MCUB: variants seen among roughly 807,000 people sequenced by gnomAD.
MCUB encodes calcium uniporter regulatory subunit MCUb, mitochondrial.
Under a neutral mutation model 41.4 loss-of-function variants are expected in MCUB, and 46 were observed. The ratio of observed to expected loss-of-function variants is 1.11; its 90% CI spans 0.88 to 1.42. The LOEUF is 1.42. Ranked by LOEUF, MCUB falls within the 40% of genes most tolerant of loss-of-function variation. The pLI is 0.00. For missense variants in MCUB, 403 were observed against 404.9 expected (o/e 1.00, Z 0.04); for synonymous variants, 148 against 148.2 (o/e 1.00, Z 0.01).
intron 2 of MCUB, 45 bp downstream of exon 2, chr4:109,659,131 C>T (rs1729169584): frequency 9.1e-7 from 1 of 1,092,954 alleles, no homozygotes; most frequent in African/African-American, 1.6e-5. Context: ...TAATTGTTTC[C>T]CTTTCTTCCA....
intron 1 of MCUB, among the ~76,000 whole-genome samples, chr4:109,560,829 G>A (rs1182524098): frequency 2.0e-5 from 3 of 152,122 alleles, no homozygotes; most frequent in African/African-American, 7.2e-5. Context: ...GTTCCCTCTT[G>A]GTGATCAGTG....
chr4:109,576,564 AAACTC>A (rs1272778992), intron 1 of MCUB, among the ~76,000 whole-genome samples: 2 of 152,148 alleles, frequency 1.3e-5, no homozygotes, highest in Non-Finnish European at 2.9e-5. Flanking sequence ...GAAAAACAAA[AAACTC>A]AAAGCGTAAA....
chr4:109,577,391 C>T (rs935046252), intron 1 of MCUB, among the ~76,000 whole-genome samples: 4 of 152,104 alleles, frequency 2.6e-5, no homozygotes, highest in East Asian at 3.9e-4. Flanking sequence ...TTAGCATGTG[C>T]CATACACTAT....
chr4:109,653,347 C>G (rs1168894342), intron 1 of MCUB, among the ~76,000 whole-genome samples: 3 of 151,694 alleles, frequency 2.0e-5, no homozygotes, highest in Non-Finnish European at 4.4e-5. Context: ...CCACTGCACT[C>G]CAGCCTGGGG....
chr4:109,593,553 C>A (rs1256212693), intron 1 of MCUB, among the ~76,000 whole-genome samples: 1 of 152,158 alleles, frequency 6.6e-6, no homozygotes, highest in Non-Finnish European at 1.5e-5. Flanking sequence ...TGATGATCCA[C>A]AGGTAAAGTG....
chr4:109,634,878 C>A (rs983232884), intron 1 of MCUB, among the ~76,000 whole-genome samples: 1 of 152,080 alleles, frequency 6.6e-6, no homozygotes, highest in Non-Finnish European at 1.5e-5. Context: ...TAGGTATACA[C>A]GTGCCATGGT....
At chr4:109,599,731 C>T (rs1727684716) in intron 1 of MCUB, among the ~76,000 whole-genome samples, 1 of 151,822 alleles carries the variant, frequency 6.6e-6, no homozygotes, top group Admixed American at 6.6e-5. Context: ...AACAGTGGCA[C>T]AATCTTGGCT....
intron 1 of MCUB, among the ~76,000 whole-genome samples, chr4:109,584,577 C>T (rs1727259916): frequency 6.6e-6 from 1 of 152,148 alleles, no homozygotes; most frequent in South Asian, 2.1e-4. Context: ...CTTGCTGTCT[C>T]TTGTGGGCAT....
intron 1 of MCUB, among the ~76,000 whole-genome samples, chr4:109,579,666 G>A (rs78623850): frequency 0.022 from 3,321 of 152,180 alleles, 48 homozygotes; most frequent in Non-Finnish European, 0.034. Flanking sequence ...ATGTATCGAG[G>A]AAGGGAAGCC....
chr4:109,583,599 G>A (rs197236), intron 1 of MCUB, among the ~76,000 whole-genome samples: 54,268 of 152,074 alleles, frequency 0.36, 11,600 homozygotes, highest in South Asian at 0.54. Flanking sequence ...CCAACACTGT[G>A]TTGAATAGGA....
At chr4:109,572,284 G>T (rs1726932222) in intron 1 of MCUB, among the ~76,000 whole-genome samples, 1 of 152,156 alleles carries the variant, frequency 6.6e-6, no homozygotes, top group African/African-American at 2.4e-5. Flanking sequence ...AGAATTTGAG[G>T]CCAGAACTGA....
At chr4:109,604,638 A>G (rs926957523) in intron 1 of MCUB, among the ~76,000 whole-genome samples, 1 of 152,180 alleles carries the variant, frequency 6.6e-6, no homozygotes, top group African/African-American at 2.4e-5. Context: ...TCAGTATGAT[A>G]CTAACTGTGG....
chr4:109,642,893 ATTTT>A (rs34076028), intron 1 of MCUB, among the ~76,000 whole-genome samples: 24 of 111,106 alleles, frequency 2.2e-4, no homozygotes, highest in East Asian at 5.5e-4. Context: ...TCTCAGCTAG[ATTTT>A]TTTTTTTTTT....
At chr4:109,674,387 C>T (rs951674055) in intron 4 of MCUB, among the ~76,000 whole-genome samples, 8 of 152,138 alleles carry the variant, frequency 5.3e-5, no homozygotes, top group Non-Finnish European at 1.0e-4. Context: ...AAATGTCCAC[C>T]TTCTTAAATT....
At chr4:109,600,376 G>T (rs1239476187) in intron 1 of MCUB, among the ~76,000 whole-genome samples, 1 of 152,208 alleles carries the variant, frequency 6.6e-6, no homozygotes, top group Non-Finnish European at 1.5e-5. Flanking sequence ...CTAGGATGGA[G>T]ATTTTCCTTC....
rs116993020 is a variant in MCUB, at chr4:109,665,389, G to A, written c.451+995G>A. Among the ~76,000 whole-genome samples, 562 of 152,160 alleles carry A rather than the reference G, an allele frequency of 3.7e-3. 6 individuals are homozygous for A. Among genetic ancestry groups the A allele is most frequent in the East Asian group, 0.015 (78 of 5,176 alleles). ...CTCTTGCTTATATCAATTAGCCTAT[G>A]GTAAAATTGGTTTCCTTATAGTTGT... On this transcript the variant is annotated intron_variant, in intron 4 of 7. Transcript: ENST00000394650.
chr4:109,590,755 C>G (rs186573031), intron 1 of MCUB, among the ~76,000 whole-genome samples: 29 of 152,262 alleles, frequency 1.9e-4, no homozygotes, highest in Non-Finnish European at 1.5e-5. Context: ...TCACTCCTGC[C>G]CCATGCTTGT....
chr4:109,571,277 T>C lies in MCUB; in HGVS notation c.99+10841T>C, dbSNP rs528627201. Among the ~76,000 whole-genome samples, 295 of 152,166 alleles carry C rather than the reference T, an allele frequency of 1.9e-3. 1 individual carries two copies. The highest frequency in any genetic ancestry group is 6.9e-3 in the African/African-American group (285 of 41,500). ...TCTGGTTCAGAGTAAGCTGTGCTGC[T>C]GAAACAAAAAAACCTAATGATTAAA... is the stretch of plus-strand genomic sequence containing the variant. On this transcript the variant is annotated intron_variant, in intron 1 of 7. Coordinates refer to ENST00000394650, the MANE Select transcript of MCUB (RefSeq NM_017918.5).
intron 1 of MCUB, among the ~76,000 whole-genome samples, chr4:109,577,760 G>A (rs1727067411): frequency 1.2e-5 from 1 of 81,500 alleles, no homozygotes; most frequent in Admixed American, 1.3e-4. Context: ...ACAGGCGCCC[G>A]CCACCTCGCC....
Sources: allele counts gnomAD v4.1 joint callset (sites outside exome capture counted in the v4.1 genomes callset), GRCh38; gene constraint gnomAD v4.1.1; transcripts MANE v1.5; gene names NCBI Gene and HGNC (gene_info 2026-07-23, HGNC 2026-07-21).